The following NRG3 variants were observed in gnomAD, a reference collection of about 807,000 sequenced individuals.
NRG3 encodes the protein pro-neuregulin-3, membrane-bound isoform.
NRG3 carries 31 observed loss-of-function variants against 66.9 expected under a neutral mutation model. That is an observed-to-expected ratio of 0.46 (90% CI 0.35 to 0.63). NRG3 has a LOEUF of 0.63. Ranked by LOEUF, NRG3 falls within the 20% of genes least tolerant of loss-of-function variation. The probability of loss-of-function intolerance (pLI) is 0.00; values close to 1 mark genes in which losing one functional copy is unlikely to be tolerated. For missense variants in NRG3, 910 were observed against 878.9 expected (o/e 1.04, Z -0.45); for synonymous variants, 393 against 359.4 (o/e 1.09, Z -1.06).
intron 3 of NRG3, among the ~76,000 whole-genome samples, chr10:82,842,123 C>T (rs772390179): frequency 7.2e-5 from 11 of 152,070 alleles, no homozygotes; most frequent in African/African-American, 9.7e-5. Context: ...TGGTGGTGTG[C>T]GCCTGTAATC....
chr10:82,255,865 A>G (rs769372844), intron 1 of NRG3, among the ~76,000 whole-genome samples: 1 of 151,798 alleles, frequency 6.6e-6, no homozygotes, highest in Non-Finnish European at 1.5e-5. Context: ...CAGCCTCCCA[A>G]ACTGCTGGGA....
chr10:82,321,307 T>G (rs58082117), intron 1 of NRG3, among the ~76,000 whole-genome samples: 36,253 of 119,996 alleles, frequency 0.3, 9,043 homozygotes, highest in African/African-American at 0.71. Flanking sequence ...GGGGTGGGGG[T>G]GGGGGTCAGG....
At chr10:82,155,273 A>T (rs2071102151) in intron 1 of NRG3, among the ~76,000 whole-genome samples, 1 of 151,794 alleles carries the variant, frequency 6.6e-6, no homozygotes, top group South Asian at 2.1e-4. Context: ...GGGTCAGAAA[A>T]GGTCAAATTA....
intron 1 of NRG3, among the ~76,000 whole-genome samples, chr10:81,952,235 G>A (rs1484815502): frequency 6.6e-6 from 1 of 152,154 alleles, no homozygotes; most frequent in African/African-American, 2.4e-5. Context: ...AAAACTTAAA[G>A]TATAATAATA....
intron 4 of NRG3, among the ~76,000 whole-genome samples, chr10:82,932,768 A>G (rs1221756995): frequency 3.3e-5 from 5 of 152,134 alleles, no homozygotes; most frequent in Admixed American, 3.3e-4. Context: ...TTACATTTCA[A>G]TCTTCTAAAG....
intron 1 of NRG3, among the ~76,000 whole-genome samples, chr10:82,181,584 A>G (rs1472049211): frequency 6.6e-6 from 1 of 151,704 alleles, no homozygotes; most frequent in African/African-American, 2.4e-5. Flanking sequence ...TCATTTTGGT[A>G]TTTATTTCTA....
At chr10:82,824,768 G>T (rs1326098085) in intron 3 of NRG3, among the ~76,000 whole-genome samples, 12 of 149,574 alleles carry the variant, frequency 8.0e-5, no homozygotes, top group African/African-American at 2.5e-4. Context: ...CCAGGCTTTA[G>T]TGTAGTGGCA....
Position 82,322,228 on chromosome 10 carries a change from T to G in NRG3, c.824-36511T>G, listed in dbSNP as rs1328105030. 2.6e-5 allele frequency among the ~76,000 whole-genome samples: 4 copies of G among 152,210 alleles called. No individual in the cohort carries two copies. In the East Asian group the frequency reaches 7.7e-4, roughly 29 times the overall value. On this transcript the variant is annotated intron_variant, in intron 1 of 8. Coordinates refer to ENST00000372141, the MANE Select transcript of NRG3 (RefSeq NM_001010848.4). ...AGATGTAGTTGTTAAATGCCCATAA[T>G]AAGTCAGGCATTGTAATAATTTATA...
At chr10:82,894,520 T>C (rs1297351195) in intron 4 of NRG3, among the ~76,000 whole-genome samples, 1 of 151,392 alleles carries the variant, frequency 6.6e-6, no homozygotes, top group East Asian at 2.0e-4. Context: ...CCAATTTTGG[T>C]TCTCAGGTTA....
chr10:82,764,145 C>A lies in NRG3; in HGVS notation c.1027+25495C>A, dbSNP rs112938630. On this transcript the variant is annotated intron_variant, in intron 3 of 8. Coordinates refer to ENST00000372141, the MANE Select transcript of NRG3 (RefSeq NM_001010848.4). ...TGCCTCCCAGGTTCAAGAGATTTTT[C>A]TGCTTCATCCTCCTGAGCACCTGGG... Among the ~76,000 whole-genome samples, 1,047 of 152,166 alleles carry A rather than the reference C, an allele frequency of 6.9e-3. 9 individuals carry two copies. Among genetic ancestry groups the A allele is most frequent in the African/African-American group, 0.023 (973 of 41,520 alleles).
intron 2 of NRG3, among the ~76,000 whole-genome samples, chr10:82,440,671 T>G (rs1307461146): frequency 6.6e-6 from 1 of 152,162 alleles, no homozygotes; most frequent in Non-Finnish European, 1.5e-5. Flanking sequence ...AACTATGCAA[T>G]CAATTTACCT....
At chr10:82,623,479 C>T (rs1342027493) in intron 2 of NRG3, among the ~76,000 whole-genome samples, 1 of 152,170 alleles carries the variant, frequency 6.6e-6, no homozygotes, top group Non-Finnish European at 1.5e-5. Flanking sequence ...ACTTGCTTCT[C>T]ATTTATTCAT....
chr10:82,092,217 A>C (rs1350538715), intron 1 of NRG3, among the ~76,000 whole-genome samples: 1 of 152,146 alleles, frequency 6.6e-6, no homozygotes, highest in Non-Finnish European at 1.5e-5. Flanking sequence ...ATCTTGGCTT[A>C]TGTTGCACAG....
At chr10:82,221,422 A>G (rs1230413771) in intron 1 of NRG3, among the ~76,000 whole-genome samples, 2 of 152,134 alleles carry the variant, frequency 1.3e-5, no homozygotes, top group Non-Finnish European at 2.9e-5. Context: ...CCCCTCCATA[A>G]TGCAGCTTTT....
chr10:82,112,509 T>A (rs1023828908), intron 1 of NRG3, among the ~76,000 whole-genome samples: 1 of 152,208 alleles, frequency 6.6e-6, no homozygotes, highest in African/African-American at 2.4e-5. Flanking sequence ...CAGGAGGCAG[T>A]TTAAATGGCA....
At chr10:82,358,117 A>G (rs1031429395) in intron 1 of NRG3, among the ~76,000 whole-genome samples, 8 of 152,210 alleles carry the variant, frequency 5.3e-5, no homozygotes, top group Non-Finnish European at 1.2e-4. Context: ...TGCATGTTTA[A>G]GATATGCTAA....
intron 1 of NRG3, among the ~76,000 whole-genome samples, chr10:82,086,604 C>A (rs1590057456): frequency 6.6e-6 from 1 of 152,114 alleles, no homozygotes; most frequent in African/African-American, 2.4e-5. Flanking sequence ...AAATAACCAT[C>A]ATCAAGGTGG....
chr10:82,337,239 C>T (rs1433402791), intron 1 of NRG3, among the ~76,000 whole-genome samples: 1 of 152,148 alleles, frequency 6.6e-6, no homozygotes, highest in East Asian at 1.9e-4. Flanking sequence ...CTGGACATTT[C>T]CTATAAATGG....
chr10:82,391,983 C>T (rs574759195), intron 2 of NRG3, among the ~76,000 whole-genome samples: 13 of 113,728 alleles, frequency 1.1e-4, no homozygotes, highest in Non-Finnish European at 2.1e-4. Flanking sequence ...AATCCTCTTT[C>T]GAGCACATGC....
Sources: allele counts gnomAD v4.1 joint callset (sites outside exome capture counted in the v4.1 genomes callset), GRCh38; gene constraint gnomAD v4.1.1; transcripts MANE v1.5; gene names NCBI Gene and HGNC (gene_info 2026-07-23, HGNC 2026-07-21).